Variants in STIP1 observed in about 807,000 individuals in gnomAD.
The protein encoded by STIP1 is stress induced phosphoprotein 1.
STIP1 carries 16 observed loss-of-function variants against 77.4 expected under a neutral mutation model. That is an observed-to-expected ratio of 0.21 (90% CI 0.14 to 0.31). STIP1 has a LOEUF of 0.31. Among genes scored for constraint, STIP1 ranks in the 10% least tolerant of loss-of-function variants. STIP1 has a pLI of 1.00. For missense variants in STIP1, 524 were observed against 684.8 expected, an observed-to-expected ratio of 0.77 and a Z score of 2.62; for synonymous variants, 258 against 246.6, an observed-to-expected ratio of 1.05 and a Z score of -0.44.
chr11:64,197,627 G>A (rs755142237), intron 7 of STIP1, 32 bp downstream of exon 7: 1 of 1,611,848 alleles, frequency 6.2e-7, no homozygotes, highest in Non-Finnish European at 8.5e-7. Flanking sequence ...ACCTTGAGTA[G>A]CGCGGAGGGT....
In STIP1 at chr11:64,186,207, TG is replaced by T. The variant is rs1946012787; in HGVS notation, c.-52del. 2 of 1,550,166 alleles carry T rather than the reference TG, an allele frequency of 1.3e-6. No homozygotes were observed. The highest frequency in any genetic ancestry group is 2.7e-5 in the African/African-American group (2 of 72,892). The stretch of plus-strand genomic sequence containing the variant: ...GGTTCCAGAAGGCGGCGCGTGCGGT[TG>T]GGAACGCGGAGCGGACGGATTCGAT... On this transcript the variant is annotated 5_prime_UTR_variant, in exon 1 of 14. Coordinates refer to ENST00000305218, the MANE Select transcript of STIP1 (RefSeq NM_006819.3).
At chr11:64,195,135 A>G (rs1450068453) in intron 4 of STIP1, among the ~76,000 whole-genome samples, 4 of 151,826 alleles carry the variant, frequency 2.6e-5, no homozygotes, top group African/African-American at 9.6e-5. Flanking sequence ...TTTTTTCAAG[A>G]TGGAGTCTCG....
chr11:64,196,018 C>G (rs1946146550), intron 5 of STIP1: 3 of 668,208 alleles, frequency 4.5e-6, no homozygotes, highest in African/African-American at 3.6e-5. Flanking sequence ...TCACGAGCCA[C>G]TGTGCCCACC....
chr11:64,185,694 C>T (rs1163201151), upstream of STIP1: 7 of 1,274,942 alleles, frequency 5.5e-6, no homozygotes, highest in Middle Eastern at 2.2e-4. Context: ...CGACTGCAGC[C>T]GGTACTCCCA....
intron 1 of STIP1, among the ~76,000 whole-genome samples, chr11:64,192,538 G>A (rs1278008062): frequency 6.6e-6 from 1 of 152,180 alleles, no homozygotes; most frequent in Non-Finnish European, 1.5e-5. Context: ...AGGAAATGGA[G>A]ACTGGTTCTT....
intron 13 of STIP1, 95 bp downstream of exon 13, chr11:64,203,717 A>C (rs1279653982): frequency 1.3e-6 from 2 of 1,489,162 alleles, no homozygotes; most frequent in South Asian, 2.4e-5. Flanking sequence ...TCAGTCTGCG[A>C]GGAAGAGGAA....
In STIP1 at chr11:64,203,154, C is replaced by T; in HGVS notation, c.1312C>T (p.Leu438=). The change falls in exon 12 of 14, where the codon CTG becomes TTG. Residue 438 remains leucine (L), a synonymous_variant. Coordinates refer to ENST00000305218, the MANE Select transcript of STIP1 (RefSeq NM_006819.3). ...IKGYTRKAAA[L]EAMKDYTKAM... Reference sequence around the variant, plus strand: ...GGGTTATACACGGAAAGCCGCTGCGCTGGAAGCGATGAAGGACTACACCAA... The same window carrying T: ...GGGTTATACACGGAAAGCCGCTGCGTTGGAAGCGATGAAGGACTACACCAA... 2 of 1,614,232 alleles carry T rather than the reference C, an allele frequency of 1.2e-6. No homozygotes were observed. Among genetic ancestry groups the T allele is most frequent in the Non-Finnish European group, 1.7e-6 (2 of 1,180,042 alleles).
chr11:64,197,177 G>A (rs1946160058), intron 5 of STIP1, 94 bp from the exon 6 acceptor site: 1 of 1,529,618 alleles, frequency 6.5e-7, no homozygotes, highest in Non-Finnish European at 8.9e-7. Context: ...TTCTATTCAT[G>A]TTAGTTGCAT....
intron 7 of STIP1, 94 bp from the exon 8 acceptor site, chr11:64,197,760 T>G: frequency 6.4e-7 from 1 of 1,567,644 alleles, no homozygotes; most frequent in Non-Finnish European, 8.7e-7. Flanking sequence ...TTGAAGGCAG[T>G]GATGCGGGCC....
At chr11:64,201,805 A>T (rs1946222089) in intron 10 of STIP1, among the ~76,000 whole-genome samples, 1 of 152,220 alleles carries the variant, frequency 6.6e-6, no homozygotes, top group African/African-American at 2.4e-5. Context: ...GAGAGCGTGG[A>T]GAAAGAATGA....
chr11:64,197,535 T>G lies in STIP1; in HGVS notation c.842T>G (p.Leu281Arg), dbSNP rs1472400540. ...GGCGACTACAATAAGTGCCGGGAGCTTTGTGAGAAGGCCATTGAAGTGGGG... is the reference window on the plus strand; with the variant it reads ...GGCGACTACAATAAGTGCCGGGAGCGTTGTGAGAAGGCCATTGAAGTGGGG... ...EKGDYNKCRE[L>R]CEKAIEVGRE... is the part of the protein sequence containing the mutation. Residue 281 changes from leucine (L) to arginine (R), a missense_variant, in exon 7 of 14, where the codon CTT becomes CGT. By Grantham distance (102) the Leu-to-Arg change is moderately radical. Transcript: ENST00000305218. 1 of 1,614,076 alleles carries G rather than the reference T, an allele frequency of 6.2e-7. No individual in the cohort carries two copies. The highest frequency in any genetic ancestry group is 1.1e-5 in the South Asian group (1 of 91,078).
intron 8 of STIP1, among the ~76,000 whole-genome samples, chr11:64,199,502 A>C (rs539760670): frequency 7.9e-4 from 104 of 131,252 alleles, no homozygotes; most frequent in African/African-American, 2.8e-3. Flanking sequence ...GCGAGACTCT[A>C]TCTCAAAAAA....
At chr11:64,186,902 A>G (rs976963079) in intron 1 of STIP1, among the ~76,000 whole-genome samples, 4 of 152,160 alleles carry the variant, frequency 2.6e-5, no homozygotes, top group African/African-American at 9.7e-5. Flanking sequence ...TGATGCGGGA[A>G]AGGGAAGGGT....
chr11:64,200,794 G>A (rs1341204896), intron 10 of STIP1, among the ~76,000 whole-genome samples: 1 of 151,998 alleles, frequency 6.6e-6, no homozygotes, highest in Non-Finnish European at 1.5e-5. Context: ...GTCATGTGGT[G>A]TCTGTGTTTA....
upstream of STIP1, chr11:64,185,660 C>T (rs1946002398): frequency 1.0e-6 from 1 of 956,474 alleles, no homozygotes; most frequent in Non-Finnish European, 1.5e-6. Flanking sequence ...GCCCCGCAGC[C>T]GCCGGCGACA....
upstream of STIP1, chr11:64,185,900 T>C (rs1946007133): frequency 6.5e-7 from 1 of 1,536,180 alleles, no homozygotes; most frequent in Non-Finnish European, 8.7e-7. Context: ...CCAGCGCGGC[T>C]ACGATTGGCA....
Position 64,200,310 on chromosome 11 carries a change from G to T in STIP1, c.1245+17G>T. On this transcript the variant is annotated intron_variant, in intron 10 of 13. Transcript: ENST00000305218. ...GCACTCAAGGTGACGAGACCTGTGGGGGCGGCCATTACTGAAAGCCTGCAC... is the reference window on the plus strand; with the variant it reads ...GCACTCAAGGTGACGAGACCTGTGGTGGCGGCCATTACTGAAAGCCTGCAC... 1 of 1,595,582 alleles carries T rather than the reference G, an allele frequency of 6.3e-7. No homozygotes were observed. Among genetic ancestry groups the T allele is most frequent in the Non-Finnish European group, 8.5e-7 (1 of 1,173,074 alleles).
In STIP1 at chr11:64,194,295, A is replaced by C; in HGVS notation, c.326A>C (p.Lys109Thr). The part of the protein sequence containing the change: ...LKHEANNPQL[K>T]EGLQNMEARL... ...CACGAGGCAAATAACCCTCAACTGA[A>C]AGAGGGTTTACAGAATATGGAGGCC... The change falls in exon 3 of 14, where the codon AAA becomes ACA. Residue 109 changes from lysine (K) to threonine (T), a missense_variant. By Grantham distance (78) the Lys-to-Thr change is moderately conservative. Transcript: ENST00000305218. 1 of 1,614,186 alleles carries C rather than the reference A, an allele frequency of 6.2e-7. No individual in the cohort carries two copies. Among genetic ancestry groups the C allele is most frequent in the Non-Finnish European group, 8.5e-7 (1 of 1,180,020 alleles).
chr11:64,194,121 T>C (rs1674576344), intron 2 of STIP1, 68 bp from the exon 3 acceptor site: 1 of 1,559,346 alleles, frequency 6.4e-7, no homozygotes, highest in Non-Finnish European at 8.6e-7. Context: ...AATTGTTCTT[T>C]TTTGAGTTCG....
Sources: gnomAD v4.1 joint callset for allele counts (sites outside exome capture counted in the v4.1 genomes callset) on GRCh38, gnomAD v4.1.1 for gene constraint, MANE v1.5 for transcripts, NCBI Gene and HGNC (gene_info 2026-07-23, HGNC 2026-07-21) for gene names.